The following TRIM29 variants were observed in gnomAD, a reference collection of about 807,000 sequenced individuals.
TRIM29 encodes tripartite motif-containing protein 29.
In TRIM29, 52 loss-of-function variants were observed where a neutral mutation model predicts 57.3. The ratio of observed to expected loss-of-function variants is 0.91; its 90% CI spans 0.73 to 1.14. The LOEUF is 1.14. Ranked by LOEUF, TRIM29 falls within the 50% of genes most tolerant of loss-of-function variation. The probability of loss-of-function intolerance (pLI) is 0.00; values close to 1 mark genes in which losing one functional copy is unlikely to be tolerated. For synonymous variants in TRIM29, 319 were observed against 316.9 expected, an observed-to-expected ratio of 1.01 and a Z score of -0.07; for missense variants, 753 against 774.6, an observed-to-expected ratio of 0.97 and a Z score of 0.33.
chr11:120,136,184 C>T lies in TRIM29; in HGVS notation c.804+1044G>A, dbSNP rs1418556715. Among the ~76,000 whole-genome samples the T allele has an allele frequency of 2.0e-5, 3 of 152,178 alleles. No individual in the cohort carries two copies. In the East Asian group the frequency reaches 5.8e-4, roughly 29 times the overall value. On this transcript the variant is annotated intron_variant, in intron 1 of 8. Transcript: ENST00000341846. ...AAAATAAACACATATACAGATGCTCCTCAACTTGTGATGGGGTTATTTACC... is the reference window on the plus strand; with the variant it reads ...AAAATAAACACATATACAGATGCTCTTCAACTTGTGATGGGGTTATTTACC...
chr11:120,137,770 C>A lies in TRIM29; in HGVS notation c.262G>T (p.Asp88Tyr), dbSNP rs377425574. 2.7e-5 allele frequency: 44 copies of A among 1,612,000 alleles called. No individual in the cohort carries two copies. The highest frequency in any genetic ancestry group is 3.6e-5 in the Non-Finnish European group (43 of 1,180,014). Residue 88 changes from aspartate (D) to tyrosine (Y), a missense_variant, in exon 1 of 9, where the codon GAC becomes TAC. Transcript: ENST00000341846. The surrounding 1 kb of genome is among the most constrained non-coding windows in gnomAD (Gnocchi z 6.2). Reference protein sequence around the residue: ...PIIQFVESGDDKNSNYFSMDS... With the variant: ...PIIQFVESGDYKNSNYFSMDS... ...ATGCTGAAGTAGTTGGAGTTCTTGT[C>A]GTCCCCGGACTCGACAAACTGGATG...
intron 4 of TRIM29, chr11:120,125,466 C>T (rs1863561605): frequency 1.8e-6 from 1 of 558,100 alleles, no homozygotes; most frequent in Admixed American, 3.1e-5. Flanking sequence ...GATGTCCCTG[C>T]TCTGGAGGTC....
At chr11:120,132,124 G>A (rs541953418) in intron 1 of TRIM29, among the ~76,000 whole-genome samples, 14 of 151,508 alleles carry the variant, frequency 9.2e-5, no homozygotes, top group African/African-American at 3.4e-4. Flanking sequence ...CTGTGGCATC[G>A]TCCTTCCCCT....
Position 120,137,432 on chromosome 11 carries a change from C to A in TRIM29, c.600G>T (p.Lys200Asn), listed in dbSNP as rs1454820158. The A allele has an allele frequency of 6.2e-7, 1 of 1,608,628 alleles. No individual in the cohort carries two copies. Among genetic ancestry groups the A allele is most frequent in the Non-Finnish European group, 8.5e-7 (1 of 1,179,986 alleles). ...CQASFCELHL[K>N]PHLEGAAFRD... ...GGAAGGCGGCGCCCTCCAGGTGGGG[C>A]TTGAGATGCAGCTCGCAGAAGGAGG... Residue 200 changes from lysine to asparagine, a missense_variant, in exon 1 of 9, where the codon AAG becomes AAT. Transcript: ENST00000341846. The surrounding 1 kb of genome is among the most constrained non-coding windows in gnomAD (Gnocchi z 6.2).
intron 5 of TRIM29, chr11:120,122,141 T>TGC (rs1863468442): frequency 3.6e-6 from 1 of 279,654 alleles, no homozygotes; most frequent in South Asian, 2.9e-5. Context: ...AGTGTGTGTG[T>TGC]GTGTGTGTGT....
rs1458251350 is a variant in TRIM29, at chr11:120,136,591, C to T, written c.804+637G>A. Among the ~76,000 whole-genome samples, 3 of 152,118 alleles carry T rather than the reference C, an allele frequency of 2.0e-5. No homozygotes were observed. The South Asian group carries it at 6.2e-4, about 32-fold the overall frequency. On this transcript the variant is annotated intron_variant, in intron 1 of 8. Transcript: ENST00000341846. Reference sequence around the variant, plus strand: ...CCAGCTGGGAGAAGGATAAAGGAGGCTGTGGAGGAAGTCAAGAGACCAGCT... The same window carrying T: ...CCAGCTGGGAGAAGGATAAAGGAGGTTGTGGAGGAAGTCAAGAGACCAGCT...
In TRIM29 at chr11:120,122,995, G is replaced by A. The variant is rs768003318; in HGVS notation, c.1394C>T (p.Pro465Leu). The part of the protein sequence containing the change: ...TNSFGGEWSA[P>L]DTMKRYSMYL... The stretch of plus-strand genomic sequence containing the variant: ...CATGGAGTATCTCTTCATGGTGTCC[G>A]GTGCACTCCACTCACCCCCGAAGCT... Residue 465 changes from proline (P) to leucine (L), a missense_variant, in exon 5 of 9, where the codon CCG becomes CTG. Transcript: ENST00000341846. 25 of 1,613,888 alleles carry A rather than the reference G, an allele frequency of 1.5e-5. No homozygotes were observed. The East Asian group carries it at 3.1e-4, about 20-fold the overall frequency.
Position 120,114,984 on chromosome 11 carries a change from C to T in TRIM29, c.1704+354G>A, listed in dbSNP as rs572843041. 9.2e-5 allele frequency among the ~76,000 whole-genome samples: 14 copies of T among 152,298 alleles called. No homozygotes were observed. In the South Asian group the frequency reaches 2.5e-3, roughly 27 times the overall value. On this transcript the variant is annotated intron_variant, in intron 8 of 8. Coordinates refer to ENST00000341846, the MANE Select transcript of TRIM29 (RefSeq NM_012101.4). The stretch of plus-strand genomic sequence containing the variant: ...GACCCATCTCTAGGAGGAGGCCTGT[C>T]CTCCCACTGGGCTGTTTTACAATCC...
chr11:120,120,823 C>T lies in TRIM29; in HGVS notation c.1436-158G>A, dbSNP rs765600209. Reference sequence around the variant, plus strand: ...TAAGTCAATCAACTAATTTATCACCCAAATTGGCATGCTTTTGAGAGTAGA... The same window carrying T: ...TAAGTCAATCAACTAATTTATCACCTAAATTGGCATGCTTTTGAGAGTAGA... On this transcript the variant is annotated intron_variant, in intron 5 of 8. Transcript: ENST00000341846. 107 of 709,444 alleles carry T rather than the reference C, an allele frequency of 1.5e-4. No homozygotes were observed. The African/African-American group carries it at 1.7e-3, about 12-fold the overall frequency. 43.9% of individuals were successfully genotyped at this position (709,444 alleles called of 1,614,324 possible).
intron 8 of TRIM29, among the ~76,000 whole-genome samples, chr11:120,114,769 T>C (rs1420933435): frequency 1.3e-5 from 2 of 152,142 alleles, no homozygotes; most frequent in Non-Finnish European, 2.9e-5. Context: ...GACCCCACCG[T>C]CAGCAGGTGG....
At chr11:120,117,876 A>C in intron 7 of TRIM29, 1 of 285,172 alleles carries the variant, frequency 3.5e-6, no homozygotes, top group Non-Finnish European at 6.7e-6. Context: ...GCTGGGAGTT[A>C]AATAAACTCT....
intron 1 of TRIM29, among the ~76,000 whole-genome samples, chr11:120,130,972 C>T (rs1863710936): frequency 6.6e-6 from 1 of 152,134 alleles, no homozygotes; most frequent in Non-Finnish European, 1.5e-5. Context: ...CATAGAGAGG[C>T]TGGTGAGGTC....
In TRIM29 at chr11:120,137,353, C is replaced by T. The variant is rs767234514; in HGVS notation, c.679G>A (p.Val227Met). Reference sequence around the variant, plus strand: ...AAGAGCTCCATCGTCTTGCCATGCACGGGACACTTGCGGGCCTCAAAGTCC... The same window carrying T: ...AAGAGCTCCATCGTCTTGCCATGCATGGGACACTTGCGGGCCTCAAAGTCC... ...IRDFEARKCP[V>M]HGKTMELFCQ... The change falls in exon 1 of 9, where the codon GTG becomes ATG. Residue 227 changes from valine (V) to methionine (M), a missense_variant. Physicochemically the swap from Val to Met is conservative, Grantham distance 21. Coordinates refer to ENST00000341846, the MANE Select transcript of TRIM29 (RefSeq NM_012101.4). This position sits in a 1 kb window ranked among gnomAD's most constrained non-coding sequence, Gnocchi z 6.2. The T allele has an allele frequency of 1.2e-6, 2 of 1,613,894 alleles. No individual in the cohort carries two copies. The highest frequency in any genetic ancestry group is 1.7e-6 in the Non-Finnish European group (2 of 1,180,014).
intron 1 of TRIM29, among the ~76,000 whole-genome samples, chr11:120,136,789 C>CAAA (rs11310050): frequency 7.1e-6 from 1 of 140,496 alleles, no homozygotes; most frequent in Non-Finnish European, 1.6e-5. Flanking sequence ...TTCTTCAAAG[C>CAAA]AAAAAAAAAA....
Position 120,112,259 on chromosome 11 carries a change from C to G in TRIM29, c.*155G>C. On this transcript the variant is annotated 3_prime_UTR_variant, in exon 9 of 9. Coordinates refer to ENST00000341846, the MANE Select transcript of TRIM29 (RefSeq NM_012101.4). ...TGGCCAGTGGGGAAGTCGGAGAGGC[C>G]GGAACTGCCCCCAAGAGGCTGGCAG... is the stretch of plus-strand genomic sequence containing the variant. 1 of 782,884 alleles carries G rather than the reference C, an allele frequency of 1.3e-6. No homozygotes were observed. The highest frequency in any genetic ancestry group is 1.8e-5 in the African/African-American group (1 of 56,450). The allele number at this position is 782,884 out of a possible 1,614,324, so 48.5% of individuals were successfully genotyped here.
At position 120,123,563 on chromosome 11, in the gene TRIM29, G is replaced by A. The variant is rs528918287; in HGVS notation, c.1334-508C>T. ...GGTGAGGGGATGAGGTCCCAGTGTT[G>A]GCCTCCATGGCCCAGGGATCCAGGC... On this transcript the variant is annotated intron_variant, in intron 4 of 8. Transcript: ENST00000341846. 6.2e-4 allele frequency: 255 copies of A among 413,728 alleles called. 1 individual carries two copies. The highest frequency in any genetic ancestry group is 4.9e-3 in the African/African-American group (243 of 49,204). 25.6% of individuals were successfully genotyped at this position (413,728 alleles called of 1,614,324 possible). A position where few individuals can be genotyped will look rare whatever the true frequency, so the allele number is the denominator to read the frequency against.
At position 120,137,198 on chromosome 11, in the gene TRIM29, T is replaced by TGGAGGGGCA; in HGVS notation, c.804+21_804+29dup. 6.2e-7 allele frequency: 1 copy of TGGAGGGGCA among 1,610,118 alleles called. No individual in the cohort carries two copies. On this transcript the variant is annotated intron_variant, in intron 1 of 8. Transcript: ENST00000341846. The surrounding 1 kb of genome is among the most constrained non-coding windows in gnomAD (Gnocchi z 6.2). ...GGGGTGGGGTGAGAGAGGAGAGGCC[T>TGGAGGGGCA]GGAGGGGCAGGAGGGGCCCCAGCAC... is the stretch of plus-strand genomic sequence containing the variant.
intron 1 of TRIM29, among the ~76,000 whole-genome samples, chr11:120,129,351 T>C (rs959014847): frequency 2.0e-5 from 3 of 152,162 alleles, no homozygotes; most frequent in African/African-American, 7.2e-5. Flanking sequence ...CAAGCCTCTG[T>C]TCTGCTGGGC....
At chr11:120,135,068 C>G (rs1863791157) in intron 1 of TRIM29, among the ~76,000 whole-genome samples, 1 of 152,178 alleles carries the variant, frequency 6.6e-6, no homozygotes, top group African/African-American at 2.4e-5. Context: ...CATGCCAGAA[C>G]CCGAACTCTG....
Sources: gnomAD v4.1 joint callset for allele counts (sites outside exome capture counted in the v4.1 genomes callset) on GRCh38, gnomAD v4.1.1 for gene constraint, Gnocchi (gnomAD v3.1) non-coding constraint, MANE v1.5 for transcripts, NCBI Gene and HGNC (gene_info 2026-07-23, HGNC 2026-07-21) for gene names.